Variants in TPST1 observed in about 807,000 individuals in gnomAD.
The protein encoded by TPST1 is tyrosylprotein sulfotransferase 1.
Under a neutral mutation model 34.8 loss-of-function variants are expected in TPST1, and 20 were observed. The ratio of observed to expected loss-of-function variants is 0.57; its 90% CI spans 0.40 to 0.84. The LOEUF (loss-of-function observed/expected upper bound fraction) is 0.84. TPST1 is among the 40% of genes least tolerant of loss of function. The pLI, the probability that TPST1 is intolerant of heterozygous loss-of-function variation, is 0.00. For missense variants in TPST1, 353 were observed against 455.5 expected (o/e 0.78, Z 2.05); for synonymous variants, 152 against 159.4 (o/e 0.95, Z 0.35).
At chr7:66,237,644 G>A (rs1789937238) in intron 1 of TPST1, among the ~76,000 whole-genome samples, 1 of 152,174 alleles carries the variant, frequency 6.6e-6, no homozygotes, top group South Asian at 2.1e-4. Flanking sequence ...ATTAGGACTG[G>A]CTGCTTTGCT....
intron 1 of TPST1, among the ~76,000 whole-genome samples, chr7:66,232,561 G>A (rs1472334318): frequency 6.6e-6 from 1 of 152,078 alleles, no homozygotes; most frequent in Non-Finnish European, 1.5e-5. Context: ...GTTTCACCAT[G>A]TTAGCCAGGA....
intron 2 of TPST1, among the ~76,000 whole-genome samples, chr7:66,274,836 C>T (rs147871554): frequency 3.9e-5 from 6 of 152,212 alleles, no homozygotes; most frequent in African/African-American, 9.6e-5. Context: ...TGCTTAGCAT[C>T]GCTAATCATC....
At chr7:66,215,747 C>T (rs1363448808) in intron 1 of TPST1, among the ~76,000 whole-genome samples, 5 of 149,394 alleles carry the variant, frequency 3.3e-5, no homozygotes, top group Non-Finnish European at 5.9e-5. Flanking sequence ...CTAGTGAAGC[C>T]ATCTTGTCCT....
chr7:66,347,444 C>T (rs942398143), intron 3 of TPST1, among the ~76,000 whole-genome samples: 2 of 152,098 alleles, frequency 1.3e-5, no homozygotes, highest in Non-Finnish European at 2.9e-5. Context: ...GTTCTTTCCC[C>T]AATGTATGTT....
intron 2 of TPST1, among the ~76,000 whole-genome samples, chr7:66,285,058 T>A (rs1562829424): frequency 2.0e-5 from 3 of 152,204 alleles, no homozygotes; most frequent in Non-Finnish European, 2.9e-5. Context: ...TATTCCTTAT[T>A]ATCTTCAAGG....
intron 3 of TPST1, among the ~76,000 whole-genome samples, chr7:66,309,198 T>C (rs951323666): frequency 6.6e-6 from 1 of 152,156 alleles, no homozygotes; most frequent in Non-Finnish European, 1.5e-5. Context: ...TGCACCTGGC[T>C]TGAACAACTT....
At chr7:66,281,903 G>C (rs964671506) in intron 2 of TPST1, among the ~76,000 whole-genome samples, 1 of 152,156 alleles carries the variant, frequency 6.6e-6, no homozygotes, top group African/African-American at 2.4e-5. Context: ...TCAAGACTTT[G>C]GCATAGACCC....
At chr7:66,241,859 A>T (rs943729468) in intron 2 of TPST1, among the ~76,000 whole-genome samples, 2 of 152,228 alleles carry the variant, frequency 1.3e-5, no homozygotes. Context: ...CAAGGCCAGA[A>T]TTCGAATCTG....
At chr7:66,252,397 C>T (rs1418434316) in intron 2 of TPST1, among the ~76,000 whole-genome samples, 1 of 144,322 alleles carries the variant, frequency 6.9e-6, no homozygotes, top group Admixed American at 7.0e-5. Context: ...GCTCTGTCGC[C>T]CAGGCTGGAG....
rs1186105521 is a variant in TPST1, at chr7:66,252,382, G to A, written c.845+11112G>A. Among the ~76,000 whole-genome samples, 6 of 117,384 alleles carry A rather than the reference G, an allele frequency of 5.1e-5. No homozygotes were observed. In the East Asian group the frequency reaches 1.3e-3, roughly 25 times the overall value. The allele number at this position is 117,384 out of a possible 152,430, so 77.0% of individuals were successfully genotyped here. A position where few individuals can be genotyped will look rare whatever the true frequency, so the allele number is the denominator to read the frequency against. On this transcript the variant is annotated intron_variant, in intron 2 of 5. Coordinates refer to ENST00000304842, the MANE Select transcript of TPST1 (RefSeq NM_003596.4). ...CTTTTTTTTTTTTTTTTGAGACGGA[G>A]TCTCGCTCTGTCGCCCAGGCTGGAG...
At chr7:66,356,134 T>C (rs1792578387) in intron 4 of TPST1, among the ~76,000 whole-genome samples, 1 of 151,940 alleles carries the variant, frequency 6.6e-6, no homozygotes, top group Non-Finnish European at 1.5e-5. Flanking sequence ...CTAATGAAAA[T>C]CAGCAGAAAC....
intron 1 of TPST1, among the ~76,000 whole-genome samples, chr7:66,238,827 G>A (rs1189739771): frequency 3.3e-5 from 5 of 152,120 alleles, no homozygotes; most frequent in African/African-American, 9.7e-5. Context: ...AATTATTTTG[G>A]TGTACATGTA....
At chr7:66,341,392 C>T (rs1482408481) in intron 3 of TPST1, among the ~76,000 whole-genome samples, 1 of 152,148 alleles carries the variant, frequency 6.6e-6, no homozygotes, top group Non-Finnish European at 1.5e-5. Context: ...AATTCTCTGC[C>T]TCAGCCTCCC....
At chr7:66,204,353 C>T (rs973688168), upstream of TPST1, among the ~76,000 whole-genome samples, 7 of 152,192 alleles carry the variant, frequency 4.6e-5, no homozygotes, top group African/African-American at 1.2e-4. Context: ...GTAGCTGGGA[C>T]GACAGGCGTC....
At position 66,346,394 on chromosome 7, in the gene TPST1, G is replaced by A. The variant is rs563704989; in HGVS notation, c.1045-6111G>A. Among the ~76,000 whole-genome samples the A allele has an allele frequency of 4.6e-5, 7 of 152,074 alleles. No homozygotes were observed. In the South Asian group the frequency reaches 1.5e-3, roughly 32 times the overall value. ...GTAGTTCCATTTTTAGTTTTTTGAG[G>A]AACCTCCATACTGTTCTCCATGGTG... On this transcript the variant is annotated intron_variant, in intron 3 of 5. Transcript: ENST00000304842.
intron 3 of TPST1, among the ~76,000 whole-genome samples, chr7:66,347,731 C>T (rs986593055): frequency 1.5e-4 from 23 of 152,056 alleles, no homozygotes; most frequent in Admixed American, 5.9e-4. Flanking sequence ...TTATTTTATT[C>T]ATAGCTATTG....
chr7:66,334,828 C>T (rs570153268), intron 3 of TPST1, among the ~76,000 whole-genome samples: 13 of 152,054 alleles, frequency 8.5e-5, no homozygotes, highest in African/African-American at 3.1e-4. Flanking sequence ...CTGCAGTTTC[C>T]AAGGTGAGAG....
intron 1 of TPST1, among the ~76,000 whole-genome samples, chr7:66,220,441 T>C (rs905331024): frequency 6.6e-6 from 1 of 152,102 alleles, no homozygotes; most frequent in East Asian, 1.9e-4. Context: ...AACCATGTAG[T>C]GTGAGATGTG....
chr7:66,286,009 C>T (rs571925924), intron 2 of TPST1, among the ~76,000 whole-genome samples: 4 of 152,064 alleles, frequency 2.6e-5, no homozygotes, highest in South Asian at 2.1e-4. Context: ...CATTTTGTTA[C>T]GAAAAGTTAA....
Sources: allele counts gnomAD v4.1 joint callset (sites outside exome capture counted in the v4.1 genomes callset), GRCh38; gene constraint gnomAD v4.1.1; transcripts MANE v1.5; gene names NCBI Gene and HGNC (gene_info 2026-07-23, HGNC 2026-07-21).